ADARB2: variants seen among roughly 807,000 people sequenced by gnomAD.
ADARB2 encodes inactive double-stranded RNA-specific editase B2.
A neutral mutation model predicts 62.2 loss-of-function variants in ADARB2; 25 were observed. The ratio of observed to expected loss-of-function variants is 0.40; its 90% CI spans 0.29 to 0.56. The LOEUF (loss-of-function observed/expected upper bound fraction) is 0.56, where lower values mean the gene tolerates loss of function less well. Ranked by LOEUF, ADARB2 falls within the 20% of genes least tolerant of loss-of-function variation. The pLI, the probability that ADARB2 is intolerant of heterozygous loss-of-function variation, is 0.43. For missense variants in ADARB2, 1,071 were observed against 1,077.4 expected (o/e 0.99, Z 0.08); for synonymous variants, 572 against 500.8 (o/e 1.14, Z -1.90).
intron 1 of ADARB2, among the ~76,000 whole-genome samples, chr10:1,722,967 G>A (rs6560765): frequency 0.23 from 34,396 of 152,092 alleles, 3,983 homozygotes; most frequent in East Asian, 0.3. Flanking sequence ...ACACACAGGT[G>A]TGCACATACA....
chr10:1,641,692 A>T (rs547190213), intron 1 of ADARB2, among the ~76,000 whole-genome samples: 1 of 152,148 alleles, frequency 6.6e-6, no homozygotes, highest in East Asian at 1.9e-4. Flanking sequence ...GTCCGTTAAG[A>T]TTATTTCCTT....
chr10:1,249,076 C>G (rs547681791), intron 4 of ADARB2, among the ~76,000 whole-genome samples: 11 of 152,304 alleles, frequency 7.2e-5, no homozygotes, highest in African/African-American at 2.6e-4. Context: ...CATCAAGTAG[C>G]AGAGGAAAAG....
At chr10:1,433,332 C>A (rs1005171328) in intron 1 of ADARB2, among the ~76,000 whole-genome samples, 63 of 152,098 alleles carry the variant, frequency 4.1e-4, no homozygotes, top group Non-Finnish European at 7.8e-4. Flanking sequence ...CTCACTGCCC[C>A]ACAAGCCTGC....
intron 1 of ADARB2, among the ~76,000 whole-genome samples, chr10:1,556,035 C>T (rs1464519052): frequency 6.6e-6 from 1 of 152,136 alleles, no homozygotes; most frequent in Non-Finnish European, 1.5e-5. Context: ...TTTTCTTTGT[C>T]TGTCTTTCAT....
intron 1 of ADARB2, among the ~76,000 whole-genome samples, chr10:1,512,129 GACA>G (rs1042342008): frequency 6.6e-6 from 1 of 151,476 alleles, no homozygotes; most frequent in Non-Finnish European, 1.5e-5. Flanking sequence ...GTCTACACTG[GACA>G]ACAAGACATC....
intron 9 of ADARB2, 39 bp from the exon 10 acceptor site, chr10:1,183,408 C>G: frequency 6.3e-7 from 1 of 1,595,456 alleles, no homozygotes; most frequent in Non-Finnish European, 8.6e-7. Flanking sequence ...CAGACACCAG[C>G]AGAAAAGGAG....
chr10:1,702,433 G>A (rs1263170518), intron 1 of ADARB2, among the ~76,000 whole-genome samples: 1 of 152,206 alleles, frequency 6.6e-6, no homozygotes, highest in Non-Finnish European at 1.5e-5. Context: ...TGGGGCCCTT[G>A]ACTCTTCCTC....
chr10:1,636,210 C>A (rs1833915901), intron 1 of ADARB2, among the ~76,000 whole-genome samples: 1 of 152,154 alleles, frequency 6.6e-6, no homozygotes, highest in Non-Finnish European at 1.5e-5. Context: ...TCTAGGCAGA[C>A]TGACTTTCTT....
chr10:1,489,524 G>A (rs1303686628), intron 1 of ADARB2, among the ~76,000 whole-genome samples: 1 of 152,212 alleles, frequency 6.6e-6, no homozygotes, highest in East Asian at 1.9e-4. Flanking sequence ...CATTAGTAGC[G>A]GATCCGCAAG....
chr10:1,256,386 G>GA (rs1261948214), intron 4 of ADARB2, among the ~76,000 whole-genome samples: 2 of 152,198 alleles, frequency 1.3e-5, no homozygotes, highest in African/African-American at 2.4e-5. Context: ...CAGCGGGTGG[G>GA]ATGAGGAGAG....
At chr10:1,311,464 T>C (rs557422754) in intron 3 of ADARB2, among the ~76,000 whole-genome samples, 1 of 152,254 alleles carries the variant, frequency 6.6e-6, no homozygotes, top group East Asian at 1.9e-4. Flanking sequence ...TAGTGGGTTC[T>C]TCCGGGAAAT....
rs140892649 is a variant in ADARB2, at chr10:1,507,904, C to T, written c.101-128744G>A. Among the ~76,000 whole-genome samples the T allele has an allele frequency of 2.0e-4, 30 of 152,284 alleles. 1 individual carries two copies. In the East Asian group the frequency reaches 3.9e-3, roughly 20 times the overall value. ...GTCTTCTCCAGGGTGGGACAGGCAG[C>T]GATGGCTCTTCCACTGGCCTCTGGG... On this transcript the variant is annotated intron_variant, in intron 1 of 9. Transcript: ENST00000381312.
rs142117100 is a variant in ADARB2, at chr10:1,719,496, G to A, written c.100+17555C>T. On this transcript the variant is annotated intron_variant, in intron 1 of 9. Coordinates refer to ENST00000381312, the MANE Select transcript of ADARB2 (RefSeq NM_018702.4). ...CATTGAATCAGAAGCATTTTATACA[G>A]TGGCCTTTTGATAAAAAATTGCTAA... 7.2e-5 allele frequency among the ~76,000 whole-genome samples: 11 copies of A among 152,298 alleles called. No homozygotes were observed. The East Asian group carries it at 2.1e-3, about 29-fold the overall frequency.
At chr10:1,720,492 CAT>C (rs201450507) in intron 1 of ADARB2, among the ~76,000 whole-genome samples, 3 of 152,128 alleles carry the variant, frequency 2.0e-5, no homozygotes, top group African/African-American at 4.8e-5. Flanking sequence ...GAAACTCACA[CAT>C]GTTAACTGAA....
intron 1 of ADARB2, among the ~76,000 whole-genome samples, chr10:1,647,404 T>C (rs1348821435): frequency 4.2e-5 from 6 of 144,088 alleles, no homozygotes; most frequent in African/African-American, 1.5e-4. Flanking sequence ...TGTGCATACA[T>C]GTGTGTGCAT....
chr10:1,464,856 GAC>G (rs1340126428), intron 1 of ADARB2, among the ~76,000 whole-genome samples: 2 of 152,324 alleles, frequency 1.3e-5, no homozygotes, highest in East Asian at 3.9e-4. Context: ...GAAGAGGGTG[GAC>G]ACACACTCGG....
rs1361166347 is a variant in ADARB2 at position 1,179,237 on chromosome 10, T to A, written c.*3956A>T. The A allele has an allele frequency of 6.6e-6, 1 of 151,888 alleles. No homozygotes were observed. The highest frequency in any genetic ancestry group is 1.5e-5 in the Non-Finnish European group (1 of 68,008). 9.4% of individuals were successfully genotyped at this position (151,888 alleles called of 1,614,324 possible). On this transcript the variant is annotated 3_prime_UTR_variant, in exon 10 of 10. Transcript: ENST00000381312. ...AAAAAAAAGCATGCGACTTTGTTGA[T>A]AAGAAAAGCTCCCTGTGAAAACAAA...
chr10:1,538,367 C>T lies in ADARB2; in HGVS notation c.101-159207G>A, dbSNP rs199598150. Among the ~76,000 whole-genome samples, 108 of 152,304 alleles carry T rather than the reference C, an allele frequency of 7.1e-4. 3 individuals carry two copies. In the South Asian group the frequency reaches 0.019, roughly 27 times the overall value. Reference sequence around the variant, plus strand: ...GCGAAGCCCCTTCCAGAGCACAAGCCGGAGGGGTCTCCTCTGATCCCTCCT... The same window carrying T: ...GCGAAGCCCCTTCCAGAGCACAAGCTGGAGGGGTCTCCTCTGATCCCTCCT... On this transcript the variant is annotated intron_variant, in intron 1 of 9. Transcript: ENST00000381312.
chr10:1,591,593 C>T (rs1833254368), intron 1 of ADARB2, among the ~76,000 whole-genome samples: 1 of 152,024 alleles, frequency 6.6e-6, no homozygotes, highest in Non-Finnish European at 1.5e-5. Flanking sequence ...GTGCCACTTC[C>T]CTCCACATTA....
Sources: gnomAD v4.1 joint callset for allele counts (sites outside exome capture counted in the v4.1 genomes callset) on GRCh38, gnomAD v4.1.1 for gene constraint, MANE v1.5 for transcripts, NCBI Gene and HGNC (gene_info 2026-07-23, HGNC 2026-07-21) for gene names.